The following ELAVL4 variants were observed in gnomAD, a reference collection of about 807,000 sequenced individuals.
ELAVL4 encodes the protein ELAV-like protein 4.
ELAVL4 carries 1 observed loss-of-function variant against 35.6 expected under a neutral mutation model. The observed-to-expected ratio is 0.03, with a 90% CI of 0.01 to 0.13. The LOEUF (loss-of-function observed/expected upper bound fraction) is 0.13, where lower values mean the gene tolerates loss of function less well. ELAVL4 is among the 10% of genes least tolerant of loss of function. The pLI is 1.00. For synonymous variants in ELAVL4, 156 were observed against 171.0 expected (o/e 0.91, Z 0.69); for missense variants, 267 against 464.9 (o/e 0.57, Z 3.91).
chr1:50,103,965 G>A (rs766832208), upstream of ELAVL4: 122 of 1,613,786 alleles, frequency 7.6e-5, 1 homozygote, highest in South Asian at 1.6e-4. Flanking sequence ...TGCCCTAATC[G>A]ACTGAAAATG....
intron 1 of ELAVL4, among the ~76,000 whole-genome samples, chr1:50,066,416 A>G (rs1664268550): frequency 6.6e-6 from 1 of 152,088 alleles, no homozygotes; most frequent in Non-Finnish European, 1.5e-5. Context: ...TTCAAGGCTT[A>G]TGTTATTTTC....
At chr1:50,121,270 C>T (rs1023751843) in intron 1 of ELAVL4, among the ~76,000 whole-genome samples, 1 of 151,994 alleles carries the variant, frequency 6.6e-6, no homozygotes, top group Admixed American at 6.6e-5. Flanking sequence ...ATGAATACAA[C>T]TTCATGGCTT....
At chr1:50,108,394 A>AAT (rs961778889), upstream of ELAVL4, among the ~76,000 whole-genome samples, 14 of 152,322 alleles carry the variant, frequency 9.2e-5, no homozygotes, top group East Asian at 2.7e-3. Flanking sequence ...AATATCTGGA[A>AAT]ATAATAAAGT....
intron 2 of ELAVL4, among the ~76,000 whole-genome samples, chr1:50,150,897 T>C (rs1045555374): frequency 4.6e-5 from 7 of 152,338 alleles, no homozygotes; most frequent in African/African-American, 1.4e-4. Flanking sequence ...TGTGCCTTAA[T>C]ATGTTTACTG....
intron 2 of ELAVL4, among the ~76,000 whole-genome samples, chr1:50,161,943 G>T (rs1387099107): frequency 1.3e-5 from 2 of 152,088 alleles, no homozygotes; most frequent in Non-Finnish European, 2.9e-5. Context: ...TCTGCTTTTG[G>T]GACTGCTAGA....
chr1:50,070,809 T>C (rs1029474131), intron 1 of ELAVL4, among the ~76,000 whole-genome samples: 16 of 150,550 alleles, frequency 1.1e-4, no homozygotes, highest in African/African-American at 3.9e-4. Context: ...AGTTACATAA[T>C]ATTTTTAGGC....
chr1:50,119,951 C>T (rs964735882), intron 1 of ELAVL4, among the ~76,000 whole-genome samples: 4 of 151,640 alleles, frequency 2.6e-5, no homozygotes, highest in South Asian at 2.1e-4. Context: ...CAGAAGTCTT[C>T]GCTCCAGAGT....
chr1:50,179,184 C>T (rs1051903067), intron 3 of ELAVL4, among the ~76,000 whole-genome samples: 1 of 152,114 alleles, frequency 6.6e-6, no homozygotes, highest in Admixed American at 6.5e-5. Context: ...CTCACCCACC[C>T]TGTATCAAAA....
intron 1 of ELAVL4, among the ~76,000 whole-genome samples, chr1:50,091,943 A>G (rs1365715227): frequency 6.6e-6 from 1 of 152,126 alleles, no homozygotes; most frequent in Non-Finnish European, 1.5e-5. Flanking sequence ...TATACTTCCA[A>G]ACTCTTTCGC....
chr1:50,091,680 T>TA (rs1665502271), intron 1 of ELAVL4, among the ~76,000 whole-genome samples: 2 of 152,190 alleles, frequency 1.3e-5, no homozygotes, highest in South Asian at 4.1e-4. Flanking sequence ...TGACCTCCAT[T>TA]AAAAATATCT....
At chr1:50,110,606 T>A (rs1282600753) in intron 1 of ELAVL4, among the ~76,000 whole-genome samples, 1 of 152,132 alleles carries the variant, frequency 6.6e-6, no homozygotes, top group Non-Finnish European at 1.5e-5. Flanking sequence ...ATGCCACGAG[T>A]GCCCACTTTG....
Position 50,201,554 on chromosome 1 carries a change from A to C in ELAVL4, c.*376A>C, listed in dbSNP as rs1644395208. 1 of 153,866 alleles carries C rather than the reference A, an allele frequency of 6.5e-6. No individual in the cohort carries two copies. The highest frequency in any genetic ancestry group is 2.1e-4 in the South Asian group (1 of 4,834). 9.5% of individuals were successfully genotyped at this position (153,866 alleles called of 1,614,324 possible). On this transcript the variant is annotated 3_prime_UTR_variant, in exon 7 of 7. Coordinates refer to ENST00000371824, the MANE Select transcript of ELAVL4 (RefSeq NM_001144774.3). The surrounding 1 kb of genome is among the most constrained non-coding windows in gnomAD (Gnocchi z 4.3). ...ATCTTTTTAAGATGACCATTCGCTCATTTGAAGAAGAAAAACAAAAAACAA... is the reference window on the plus strand; with the variant it reads ...ATCTTTTTAAGATGACCATTCGCTCCTTTGAAGAAGAAAAACAAAAAACAA...
chr1:50,090,222 G>T (rs1432195896), intron 1 of ELAVL4, among the ~76,000 whole-genome samples: 1 of 152,142 alleles, frequency 6.6e-6, no homozygotes, highest in African/African-American at 2.4e-5. Context: ...TCTCAAGTTT[G>T]TTGTAAGCTA....
chr1:50,079,754 G>T (rs192529186), intron 1 of ELAVL4, among the ~76,000 whole-genome samples: 7 of 152,308 alleles, frequency 4.6e-5, no homozygotes, highest in Admixed American at 2.0e-4. Flanking sequence ...ATACTGTAAG[G>T]TGTTAAACTT....
rs548126537 is a variant in ELAVL4, at chr1:50,156,868, C to A, written c.250+11671C>A. On this transcript the variant is annotated intron_variant, in intron 2 of 6. Transcript: ENST00000371824. ...ATGAATGTGGCTGTACATTGTATTC[C>A]AGTAAACCTCAGGAATAGCTGCAGA... Among the ~76,000 whole-genome samples the A allele has an allele frequency of 1.4e-3, 212 of 152,254 alleles. 1 individual carries two copies. The Middle Eastern group carries it at 0.017, about 12-fold the overall frequency.
In ELAVL4 at chr1:50,200,689, A is replaced by G. The variant is rs909551955; in HGVS notation, c.774-162A>G. On this transcript the variant is annotated intron_variant, in intron 6 of 6. Transcript: ENST00000371824. ...AGTCAAGCCATTCCCATCAGAGGAAATGACATAGACATTAGTTTTTACATT... is the reference window on the plus strand; with the variant it reads ...AGTCAAGCCATTCCCATCAGAGGAAGTGACATAGACATTAGTTTTTACATT... 2.9e-6 allele frequency: 4 copies of G among 1,389,496 alleles called. No individual in the cohort carries two copies. In the South Asian group the frequency reaches 5.7e-5, roughly 20 times the overall value. 86.1% of individuals were successfully genotyped at this position (1,389,496 alleles called of 1,614,324 possible).
chr1:50,116,395 GGTGTGTGTGTGTGTGTGCGTGTGTGT>G (rs1198193406), intron 1 of ELAVL4, among the ~76,000 whole-genome samples: 1 of 149,454 alleles, frequency 6.7e-6, no homozygotes, highest in Non-Finnish European at 1.5e-5. Context: ...TAAATACTGT[GGTGTGTGTGTGTGTGTGCGTGTGTGT>G]GTGTGTGTGT....
intron 1 of ELAVL4, among the ~76,000 whole-genome samples, chr1:50,113,375 A>T (rs184124358): frequency 2.0e-4 from 30 of 152,152 alleles, no homozygotes; most frequent in Admixed American, 5.9e-4. Context: ...TAATTTTTTT[A>T]AAAAAAGAAA....
intron 3 of ELAVL4, among the ~76,000 whole-genome samples, chr1:50,189,333 G>T (rs936548467): frequency 3.1e-4 from 47 of 152,244 alleles, no homozygotes; most frequent in African/African-American, 1.1e-3. Context: ...GGTGCTGCAT[G>T]GGAAGAGGCA....
Sources: allele counts gnomAD v4.1 joint callset (sites outside exome capture counted in the v4.1 genomes callset), GRCh38; gene constraint gnomAD v4.1.1; non-coding constraint Gnocchi (gnomAD v3.1); transcripts MANE v1.5; gene names NCBI Gene and HGNC (gene_info 2026-07-23, HGNC 2026-07-21).